BRD2: variants seen among roughly 807,000 people sequenced by gnomAD.
BRD2 encodes the protein bromodomain containing 2, also known as bromodomain-containing protein 2.
A neutral mutation model predicts 79.1 loss-of-function variants in BRD2; 15 were observed. The ratio of observed to expected loss-of-function variants is 0.19; its 90% CI spans 0.13 to 0.29. The LOEUF (loss-of-function observed/expected upper bound fraction) is 0.29, where lower values mean the gene tolerates loss of function less well. Among genes scored for constraint, BRD2 ranks in the 10% least tolerant of loss-of-function variants. The pLI, the probability that BRD2 is intolerant of heterozygous loss-of-function variation, is 1.00. For missense variants in BRD2, 1,053 were observed against 991.3 expected (o/e 1.06, Z -0.84); for synonymous variants, 488 against 358.6 (o/e 1.36, Z -4.08).
chr6:32,974,315 G>C, intron 2 of BRD2, 147 bp from the exon 3 acceptor site: 1 of 785,642 alleles, frequency 1.3e-6, no homozygotes, highest in Non-Finnish European at 2.1e-6. Flanking sequence ...TCCACAGATT[G>C]TTTGGATATT....
chr6:32,974,408 G>A lies in BRD2; in HGVS notation c.30-54G>A, dbSNP rs1282253791. 5.2e-6 allele frequency: 8 copies of A among 1,547,438 alleles called. No individual in the cohort carries two copies. The East Asian group carries it at 1.4e-4, about 26-fold the overall frequency. ...GGATTCATCAGACTATTGTGCAGAT[G>A]CACTTTTTCCTCATTTGGACGATAT... On this transcript the variant is annotated intron_variant, in intron 2 of 12. Transcript: ENST00000374825.
chr6:32,978,231 A>G lies in BRD2; in HGVS notation c.1684A>G (p.Lys562Glu), dbSNP rs985940858. The change falls in exon 10 of 13, where the codon AAG (lysine) becomes GAG (glutamate). Residue 562 changes from lysine to glutamate, a missense_variant. Lys to Glu is a moderately conservative substitution (Grantham distance 56). This residue lies in a region of BRD2 where 454 missense variants were observed against 430.5 expected (regional missense o/e 1.05). Transcript: ENST00000374825. ...GAAAAAGAAGAAACGGAAGGCAGAG[A>G]AGCATCGAGGCCGAGCTGGGGCCGA... ...KEKKKKRKAEKHRGRAGADED... is the reference protein window; with the variant it reads ...KEKKKKRKAEEHRGRAGADED... 1 of 1,612,964 alleles carries G rather than the reference A, an allele frequency of 6.2e-7. No homozygotes were observed.
chr6:32,977,033 G>C, intron 7 of BRD2, 97 bp downstream of exon 7: 1 of 1,449,234 alleles, frequency 6.9e-7, no homozygotes, highest in Non-Finnish European at 9.2e-7. Context: ...GCAGTCTTTG[G>C]TTCTTGGCAT....
rs1404915895 is a variant in BRD2 at position 32,972,129 on chromosome 6, T to A, written c.-770T>A. ...GGGGTGGGGAAAAGCTCAAGCAGGG[T>A]GGCGCGCATGAGCGGCGAAGCTCCT... On this transcript the variant is annotated 5_prime_UTR_variant, in exon 2 of 13. Transcript: ENST00000374825. 6.0e-6 allele frequency: 4 copies of A among 670,010 alleles called. No individual in the cohort carries two copies. Among genetic ancestry groups the A allele is most frequent in the Middle Eastern group, 2.4e-4 (1 of 4,196 alleles). The allele number at this position is 670,010 out of a possible 1,614,324, so 41.5% of individuals were successfully genotyped here.
intron 9 of BRD2, 60 bp downstream of exon 9, chr6:32,978,065 T>A: frequency 2.5e-6 from 4 of 1,587,780 alleles, no homozygotes; most frequent in Non-Finnish European, 3.4e-6. Context: ...TTGTCCTCAT[T>A]TTTTCTTCTT....
chr6:32,975,186 C>T (rs1393048019), intron 3 of BRD2, 198 bp from the exon 4 acceptor site: 3 of 1,316,122 alleles, frequency 2.3e-6, no homozygotes, highest in Admixed American at 4.8e-5. Flanking sequence ...AGGGGCCTCC[C>T]TGTGGATGTC....
In BRD2 at chr6:32,975,390, C is replaced by A; in HGVS notation, c.340C>A (p.His114Asn). The A allele has an allele frequency of 6.2e-7, 1 of 1,604,230 alleles. No homozygotes were observed. The highest frequency in any genetic ancestry group is 1.7e-4 in the Middle Eastern group (1 of 5,986). The change falls in exon 4 of 13, where the codon CAC (histidine) becomes AAC (asparagine). Residue 114 changes from histidine (H) to asparagine (N), a missense_variant. By Grantham distance (68) the His-to-Asn change is moderately conservative. This residue lies in a region of BRD2 where 413 missense variants were observed against 335.1 expected (regional missense o/e 1.23). Transcript: ENST00000374825. ...DAVKLGLPDYHKIIKQPMDMG... is the reference protein window; with the variant it reads ...DAVKLGLPDYNKIIKQPMDMG... ...CTAACATTTTTTTATTTAGGATTATCACAAAATTATAAAACAGCCTATGGA... is the reference window on the plus strand; with the variant it reads ...CTAACATTTTTTTATTTAGGATTATAACAAAATTATAAAACAGCCTATGGA...
chr6:32,972,631 G>A lies in BRD2; in HGVS notation c.-268G>A, dbSNP rs1306289907. 3 of 590,816 alleles carry A rather than the reference G, an allele frequency of 5.1e-6. No individual in the cohort carries two copies. Among genetic ancestry groups the A allele is most frequent in the Non-Finnish European group, 9.0e-6 (3 of 331,640 alleles). The allele number at this position is 590,816 out of a possible 1,614,324, so 36.6% of individuals were successfully genotyped here. A position where few individuals can be genotyped will look rare whatever the true frequency, so the allele number is the denominator to read the frequency against. On this transcript the variant is annotated 5_prime_UTR_variant, in exon 2 of 13. Coordinates refer to ENST00000374825, the MANE Select transcript of BRD2 (RefSeq NM_005104.4). ...TCGGGGACCGTCTTTTGAAGAGTCA[G>A]TCCCTCCTTAGTTGCCCGCCTCAGC...
chr6:32,975,145 G>T, intron 3 of BRD2: 1 of 1,492,586 alleles, frequency 6.7e-7, no homozygotes. Flanking sequence ...TTCCAGAGTG[G>T]GTGGGAGGTG....
rs774904530 is a variant in BRD2, at chr6:32,976,747, A to G, written c.1011A>G (p.Gln337=). 3 of 1,613,142 alleles carry G rather than the reference A, an allele frequency of 1.9e-6. No individual in the cohort carries two copies. The highest frequency in any genetic ancestry group is 2.5e-6 in the Non-Finnish European group (3 of 1,180,046). The change falls in exon 7 of 13, where the codon CAA becomes CAG. Residue 337 remains glutamine, a synonymous_variant. Transcript: ENST00000374825. ...PRKDLPDSQQ[Q]HQSSKKGKLS... ...AAGACTTGCCTGACTCTCAGCAACA[A>G]CACCAGAGCTCTAAGAAAGGAAAGC...
At position 32,974,458 on chromosome 6, in the gene BRD2, A is replaced by G. The variant is rs2127509125; in HGVS notation, c.30-4A>G. 6.2e-7 allele frequency: 1 copy of G among 1,606,074 alleles called. No homozygotes were observed. Among genetic ancestry groups the G allele is most frequent in the South Asian group, 1.1e-5 (1 of 90,876 alleles). On this transcript the variant is annotated splice_region_variant and splice_polypyrimidine_tract_variant and intron_variant, in intron 2 of 12. Coordinates refer to ENST00000374825, the MANE Select transcript of BRD2 (RefSeq NM_005104.4). ...TTGCCCTAATTTTGTTCCCATCTTT[A>G]CAGGCTCCCTGGGGAAGGGAATGCA...
Position 32,974,617 on chromosome 6 carries a change from C to G in BRD2, c.185C>G (p.Pro62Arg), listed in dbSNP as rs1778476252. ...TTGCAACTTACCCCTGCCAACCCAC[C>G]ACCCCCGGAGGTGTCCAATCCCAAA... The part of the protein sequence containing the change: ...PALQLTPANP[P>R]PPEVSNPKKP... Residue 62 changes from proline (P) to arginine (R), a missense_variant, in exon 3 of 13, where the codon CCA becomes CGA. Physicochemically the swap from Pro to Arg is moderately radical, Grantham distance 103 (BLOSUM62 -2). This residue lies in a region of BRD2 where 413 missense variants were observed against 335.1 expected (regional missense o/e 1.23). Transcript: ENST00000374825. 6.2e-7 allele frequency: 1 copy of G among 1,614,122 alleles called. No individual in the cohort carries two copies. Among genetic ancestry groups the G allele is most frequent in the African/African-American group, 1.3e-5 (1 of 74,936 alleles).
At position 32,971,658 on chromosome 6, in the gene BRD2, C is replaced by T. The variant is rs1390896113; in HGVS notation, c.-1241C>T. On this transcript the variant is annotated 5_prime_UTR_variant, in exon 2 of 13. Coordinates refer to ENST00000374825, the MANE Select transcript of BRD2 (RefSeq NM_005104.4). ...CCCGCCAGGCGTCTTGCGGCCACAC[C>T]CCTGGCGGGTTCAGGCAGGCTACGC... The T allele has an allele frequency of 8.3e-6, 4 of 481,820 alleles. No homozygotes were observed. The highest frequency in any genetic ancestry group is 1.5e-5 in the Non-Finnish European group (4 of 272,966). The allele number at this position is 481,820 out of a possible 1,614,324, so 29.8% of individuals were successfully genotyped here. A position where few individuals can be genotyped will look rare whatever the true frequency, so the allele number is the denominator to read the frequency against.
intron 1 of BRD2, chr6:32,970,892 G>GGGAGGAGT (rs1777885291): frequency 6.6e-6 from 1 of 152,366 alleles, no homozygotes; most frequent in Admixed American, 6.5e-5. Flanking sequence ...AGGGGAGGAG[G>GGGAGGAGT]GGGAGGGCTA....
chr6:32,976,957 A>T, intron 7 of BRD2, 21 bp downstream of exon 7: 2 of 1,590,028 alleles, frequency 1.3e-6, no homozygotes, highest in Non-Finnish European at 1.7e-6. Flanking sequence ...CATGGGGCAG[A>T]TGGGATGCTC....
rs55778408 is a variant in BRD2 at position 32,977,942 on chromosome 6, A to G, written c.1515A>G (p.Glu505=). The change falls in exon 9 of 13, where the codon GAA becomes GAG. Residue 505 remains glutamate (E), a synonymous_variant. Transcript: ENST00000374825. The part of the protein sequence containing the change: ...EEEDEEDEEE[E]ESESSDSEEE... ...AAGATGAGGAGGACGAGGAGGAAGA[A>G]GAGAGTGAAAGCTCAGACTCAGAGG... The G allele has an allele frequency of 2.7e-4, 440 of 1,612,730 alleles. 1 individual carries two copies. The East Asian group carries it at 6.8e-3, about 25-fold the overall frequency.
rs150942919 is a variant in BRD2 at position 32,972,524 on chromosome 6, CTCG to C, written c.-371_-369del. The C allele has an allele frequency of 1.9e-3, 657 of 352,022 alleles. 15 individuals carry two copies. The East Asian group carries it at 0.034, about 18-fold the overall frequency. The allele number at this position is 352,022 out of a possible 1,614,324, so 21.8% of individuals were successfully genotyped here. ...CCTCCATCCGAGATCGAAACGGGACCTCGTCGGCCCCGTAGGGGCCCGACAAGA... is the reference window on the plus strand; with the variant it reads ...CCTCCATCCGAGATCGAAACGGGACCTCGGCCCCGTAGGGGCCCGACAAGA... On this transcript the variant is annotated 5_prime_UTR_variant, in exon 2 of 13. Transcript: ENST00000374825.
chr6:32,972,623 AAG>A lies in BRD2; in HGVS notation c.-273_-272del, dbSNP rs1778163761. ...GTCTGAGATCGGGGACCGTCTTTTG[AAG>A]AGTCAGTCCCTCCTTAGTTGCCCGC... On this transcript the variant is annotated 5_prime_UTR_variant, in exon 2 of 13. Transcript: ENST00000374825. 5.2e-6 allele frequency: 3 copies of A among 577,626 alleles called. No individual in the cohort carries two copies. In the East Asian group the frequency reaches 8.8e-5, roughly 17 times the overall value. 35.8% of individuals were successfully genotyped at this position (577,626 alleles called of 1,614,324 possible). A position where few individuals can be genotyped will look rare whatever the true frequency, so the allele number is the denominator to read the frequency against.
intron 2 of BRD2, among the ~76,000 whole-genome samples, chr6:32,973,387 G>T (rs548997601): frequency 6.6e-6 from 1 of 152,124 alleles, no homozygotes; most frequent in East Asian, 1.9e-4. Flanking sequence ...TCACTCTCCC[G>T]TGTGTGCAGG....
Sources: allele counts gnomAD v4.1 joint callset (sites outside exome capture counted in the v4.1 genomes callset), GRCh38; gene constraint gnomAD v4.1.1; regional missense constraint gnomAD v4.1.1; transcripts MANE v1.5; gene names NCBI Gene and HGNC (gene_info 2026-07-23, HGNC 2026-07-21).